NTRK2: variants seen among roughly 807,000 people sequenced by gnomAD.
The protein encoded by NTRK2 is BDNF/NT-3 growth factors receptor.
NTRK2 carries 13 observed loss-of-function variants against 94.5 expected under a neutral mutation model. The observed-to-expected ratio is 0.14, with a 90% CI of 0.09 to 0.22. NTRK2 has a LOEUF of 0.22. Among genes scored for constraint, NTRK2 ranks in the 10% least tolerant of loss-of-function variants. NTRK2 has a pLI of 1.00. For synonymous variants in NTRK2, 372 were observed against 407.4 expected (o/e 0.91, Z 1.05); for missense variants, 639 against 1,071.2 (o/e 0.60, Z 5.63).
At chr9:84,829,772 G>A (rs1452609377) in intron 12 of NTRK2, among the ~76,000 whole-genome samples, 1 of 152,170 alleles carries the variant, frequency 6.6e-6, no homozygotes, top group Non-Finnish European at 1.5e-5. Context: ...TTTTGTTCTT[G>A]ATGGATGGGG....
rs57167822 is a variant in NTRK2 at position 84,798,912 on chromosome 9, CTATATATATATATATATA to C, written c.1396+46839_1396+46856del. Among the ~76,000 whole-genome samples, 30 of 128,000 alleles carry C rather than the reference CTATATATATATATATATA, an allele frequency of 2.3e-4. 1 individual carries two copies. Among genetic ancestry groups the C allele is most frequent in the African/African-American group, 7.8e-4 (25 of 32,104 alleles). 84.0% of individuals were successfully genotyped at this position (128,000 alleles called of 152,430 possible). A position where few individuals can be genotyped will look rare whatever the true frequency, so the allele number is the denominator to read the frequency against. Reference sequence around the variant, plus strand: ...GCTATATGCCAGACACTTCTAAGTGCTATATATATATATATATATATATATATATGCTTATTTAATCTG... The same window carrying C: ...GCTATATGCCAGACACTTCTAAGTGCTATATATATATGCTTATTTAATCTG... On this transcript the variant is annotated intron_variant, in intron 12 of 18. Coordinates refer to ENST00000277120, the MANE Select transcript of NTRK2 (RefSeq NM_006180.6).
In NTRK2 at chr9:84,865,298, G is replaced by A. The variant is rs528490968; in HGVS notation, c.1445-1945G>A. 7.2e-5 allele frequency among the ~76,000 whole-genome samples: 11 copies of A among 152,224 alleles called. No individual in the cohort carries two copies. The South Asian group carries it at 1.2e-3, about 17-fold the overall frequency. ...CTTGTTTGCAGAATTGAGCCGGAGC[G>A]CATCATTAAAGGCAGCTTCAATGCA... On this transcript the variant is annotated intron_variant, in intron 13 of 18. Coordinates refer to ENST00000277120, the MANE Select transcript of NTRK2 (RefSeq NM_006180.6).
At chr9:84,871,023 A>G (rs1403847051) in intron 14 of NTRK2, among the ~76,000 whole-genome samples, 1 of 152,194 alleles carries the variant, frequency 6.6e-6, no homozygotes, top group Non-Finnish European at 1.5e-5. Flanking sequence ...TTCATTACAT[A>G]TTTATTTATA....
At chr9:84,930,260 A>G (rs1242396622) in intron 14 of NTRK2, among the ~76,000 whole-genome samples, 1 of 152,202 alleles carries the variant, frequency 6.6e-6, no homozygotes, top group Non-Finnish European at 1.5e-5. Context: ...TGAAAGCTGG[A>G]GGAGAAATGG....
At chr9:84,853,108 T>G (rs1176720361) in intron 12 of NTRK2, among the ~76,000 whole-genome samples, 2 of 152,162 alleles carry the variant, frequency 1.3e-5, no homozygotes, top group African/African-American at 4.8e-5. Flanking sequence ...GACTGAGTGC[T>G]TTTCCTTATA....
At chr9:84,856,154 C>T (rs2075051357) in intron 12 of NTRK2, among the ~76,000 whole-genome samples, 1 of 152,126 alleles carries the variant, frequency 6.6e-6, no homozygotes, top group African/African-American at 2.4e-5. Flanking sequence ...AGTGGAAATA[C>T]CTCACATTGT....
At chr9:84,837,469 A>G (rs937854432) in intron 12 of NTRK2, among the ~76,000 whole-genome samples, 4 of 152,222 alleles carry the variant, frequency 2.6e-5, no homozygotes, top group Non-Finnish European at 4.4e-5. Flanking sequence ...TCTATGTTAT[A>G]GAATTATTTA....
chr9:84,874,863 C>A, intron 14 of NTRK2: 1 of 1,058,032 alleles, frequency 9.5e-7, no homozygotes, highest in African/African-American at 1.6e-5. Context: ...CAGTCCTAAA[C>A]AGACTGGAAT....
intron 12 of NTRK2, among the ~76,000 whole-genome samples, chr9:84,794,363 C>T (rs2069053805): frequency 6.6e-6 from 1 of 152,272 alleles, no homozygotes; most frequent in South Asian, 2.1e-4. Context: ...GCAGGTTGCT[C>T]TTCATTTTCC....
chr9:84,853,702 T>C (rs2074902279), intron 12 of NTRK2, among the ~76,000 whole-genome samples: 1 of 152,156 alleles, frequency 6.6e-6, no homozygotes, highest in South Asian at 2.1e-4. Context: ...GCTGTTGGCG[T>C]CACCCCCTGC....
chr9:84,752,698 G>A (rs2064745118), intron 12 of NTRK2, among the ~76,000 whole-genome samples: 1 of 152,070 alleles, frequency 6.6e-6, no homozygotes, highest in Non-Finnish European at 1.5e-5. Flanking sequence ...TTTTTTAGAG[G>A]ATGGAAAATT....
At position 84,814,618 on chromosome 9, in the gene NTRK2, C is replaced by T. The variant is rs184196800; in HGVS notation, c.1397-46422C>T. On this transcript the variant is annotated intron_variant, in intron 12 of 18. Coordinates refer to ENST00000277120, the MANE Select transcript of NTRK2 (RefSeq NM_006180.6). ...CTTTCTTCCTTTGCATGATTTACAC[C>T]TCCGCCTGTTTTGGTGCTAGCTGTC... 595 of 1,065,780 alleles carry T rather than the reference C, an allele frequency of 5.6e-4. 4 individuals carry two copies. Among genetic ancestry groups the T allele is most frequent in the Middle Eastern group, 1.2e-3 (3 of 2,402 alleles). 66.0% of individuals were successfully genotyped at this position (1,065,780 alleles called of 1,614,324 possible).
chr9:85,012,509 G>A (rs1488402016), intron 17 of NTRK2, among the ~76,000 whole-genome samples: 1 of 152,064 alleles, frequency 6.6e-6, no homozygotes, highest in African/African-American at 2.4e-5. Context: ...AAAATATCAT[G>A]TAAAAGGAAT....
intron 12 of NTRK2, among the ~76,000 whole-genome samples, chr9:84,825,491 C>T (rs1003881350): frequency 6.6e-6 from 1 of 152,178 alleles, no homozygotes; most frequent in African/African-American, 2.4e-5. Flanking sequence ...CCACCCTCAA[C>T]TTATTGATTG....
chr9:84,800,955 T>G (rs2070361139), intron 12 of NTRK2, among the ~76,000 whole-genome samples: 1 of 152,206 alleles, frequency 6.6e-6, no homozygotes, highest in Non-Finnish European at 1.5e-5. Flanking sequence ...CAAAGTTCCT[T>G]TCCATGACTT....
At chr9:84,694,341 A>T (rs1313027891) in intron 2 of NTRK2, among the ~76,000 whole-genome samples, 2 of 152,232 alleles carry the variant, frequency 1.3e-5, no homozygotes, top group African/African-American at 4.8e-5. Flanking sequence ...CTCCATAAAG[A>T]GGGAGTTACT....
rs1194004417 is a variant in NTRK2 at position 85,026,126 on chromosome 9, A to G, written c.*4689A>G. ...CTCCATTCAGCACAAACACAAAGCA[A>G]AGCAAAAAAAAAAATATATATATAT... On this transcript the variant is annotated 3_prime_UTR_variant, in exon 19 of 19. Transcript: ENST00000277120. 2 of 112,476 alleles carry G rather than the reference A, an allele frequency of 1.8e-5. No homozygotes were observed. The highest frequency in any genetic ancestry group is 3.2e-5 in the Non-Finnish European group (2 of 62,590). 7.0% of individuals were successfully genotyped at this position (112,476 alleles called of 1,614,324 possible).
chr9:84,810,613 T>C lies in NTRK2; in HGVS notation c.1397-50427T>C. The C allele has an allele frequency of 1.9e-6, 3 of 1,613,852 alleles. No individual in the cohort carries two copies. The East Asian group carries it at 6.7e-5, about 36-fold the overall frequency. On this transcript the variant is annotated intron_variant, in intron 12 of 18. Coordinates refer to ENST00000277120, the MANE Select transcript of NTRK2 (RefSeq NM_006180.6). ...AAGGAAAAGACAGAGAAAGGGGCTG[T>C]GGTGCTTGTTGGTTGATGCTGCCAT...
intron 12 of NTRK2, among the ~76,000 whole-genome samples, chr9:84,836,579 G>A (rs76325671): frequency 6.7e-6 from 1 of 148,422 alleles, no homozygotes; most frequent in South Asian, 2.2e-4. Flanking sequence ...TAATGTTATT[G>A]TTTTCTAGCA....
Sources: gnomAD v4.1 joint callset for allele counts (sites outside exome capture counted in the v4.1 genomes callset) on GRCh38, gnomAD v4.1.1 for gene constraint, MANE v1.5 for transcripts, NCBI Gene and HGNC (gene_info 2026-07-23, HGNC 2026-07-21) for gene names.